Variants in CFAP92 observed in about 807,000 individuals in gnomAD.
CFAP92 encodes cilia and flagella associated protein 92 (putative), also known as uncharacterized protein CFAP92.
CFAP92 carries 86 observed loss-of-function variants against 106.3 expected under a neutral mutation model. The observed-to-expected ratio is 0.81, with a 90% confidence interval of 0.68 to 0.97. The LOEUF (loss-of-function observed/expected upper bound fraction) is 0.97, where lower values mean the gene tolerates loss of function less well. CFAP92 is among the 50% of genes least tolerant of loss of function. CFAP92 has a pLI of 0.00. For missense variants in CFAP92, 1,204 were observed against 1,283.8 expected, an observed-to-expected ratio of 0.94 and a Z score of 0.95; for synonymous variants, 477 against 506.4, an observed-to-expected ratio of 0.94 and a Z score of 0.78.
the CFAP92 span, among the ~76,000 whole-genome samples, chr3:129,023,824 A>C: frequency 6.6e-6 from 1 of 152,362 alleles, no homozygotes. Context: ...TGAGGTGCAC[A>C]GAGGGCTTAG....
At chr3:128,993,406 C>T (rs1257675320) in intron 1 of CFAP92, 70 bp from the exon 2 acceptor site, 5 of 1,461,080 alleles carry the variant, frequency 3.4e-6, no homozygotes, top group Non-Finnish European at 3.7e-6. Flanking sequence ...AGCCCGGCCT[C>T]CTGCAGAAGC....
intron 9 of CFAP92, among the ~76,000 whole-genome samples, chr3:128,953,600 C>T (rs112698031): frequency 0.011 from 996 of 93,532 alleles, 22 homozygotes; most frequent in African/African-American, 0.055. Context: ...CCTCTCCCTC[C>T]CCCTCTCCCT....
At chr3:129,004,436 C>CA (rs567397032), upstream of CFAP92, among the ~76,000 whole-genome samples, 28 of 139,500 alleles carry the variant, frequency 2.0e-4, no homozygotes, top group Non-Finnish European at 3.4e-4. Flanking sequence ...TCCACCTATC[C>CA]ACTCACCTAC....
Position 128,932,680 on chromosome 3 carries a change from TG to T in CFAP92, c.2751+19del. 2 of 1,520,242 alleles carry T rather than the reference TG, an allele frequency of 1.3e-6. No individual in the cohort carries two copies. Among genetic ancestry groups the T allele is most frequent in the Non-Finnish European group, 8.8e-7 (1 of 1,138,756 alleles). 94.2% of individuals were successfully genotyped at this position (1,520,242 alleles called of 1,614,324 possible). A position where few individuals can be genotyped will look rare whatever the true frequency, so the allele number is the denominator to read the frequency against. ...CAGGTGAGGCCTGGGAACCCCAAGT[TG>T]GGGAGGAAGGCGGCCCACCTGGATG... On this transcript the variant is annotated intron_variant, in intron 12 of 15. Coordinates refer to ENST00000645291, the MANE Select transcript of CFAP92 (RefSeq NM_001394090.1).
chr3:129,010,285 C>T, the CFAP92 span, among the ~76,000 whole-genome samples: 3 of 152,208 alleles, frequency 2.0e-5, no homozygotes, highest in Admixed American at 2.0e-4. This position sits in a 1 kb window ranked among gnomAD's most constrained non-coding sequence, Gnocchi z 4.3. Flanking sequence ...GGCCCCCTAC[C>T]CTGCTCTGAA....
intron 1 of CFAP92, among the ~76,000 whole-genome samples, chr3:129,000,918 T>C (rs994160810): frequency 6.6e-6 from 1 of 152,214 alleles, no homozygotes; most frequent in African/African-American, 2.4e-5. Context: ...ACCCCTTGCC[T>C]CTCCAAGCCT....
chr3:128,928,503 C>T (rs1376638907), intron 12 of CFAP92, among the ~76,000 whole-genome samples: 1 of 152,152 alleles, frequency 6.6e-6, no homozygotes, highest in Non-Finnish European at 1.5e-5. Context: ...CTCAGATATA[C>T]ACCCTTACAT....
chr3:128,925,788 A>C (rs376556840), intron 12 of CFAP92, among the ~76,000 whole-genome samples: 17 of 152,306 alleles, frequency 1.1e-4, no homozygotes, highest in African/African-American at 3.9e-4. Context: ...AGAAAATAAA[A>C]ACAAAAAATT....
At chr3:128,915,782 C>G (rs759785646) in intron 13 of CFAP92, 3 of 507,800 alleles carry the variant, frequency 5.9e-6, no homozygotes, top group African/African-American at 1.9e-5. Context: ...TGCTGGAAGC[C>G]TAAACCATGG....
intron 2 of CFAP92, chr3:128,992,004 T>A: frequency 2.8e-6 from 1 of 361,982 alleles, no homozygotes; most frequent in Non-Finnish European, 3.8e-6. Context: ...GGGCTAGGCT[T>A]GCCCTCCTGT....
At chr3:128,982,338 A>G (rs1385737483) in intron 4 of CFAP92, among the ~76,000 whole-genome samples, 1 of 152,176 alleles carries the variant, frequency 6.6e-6, no homozygotes, top group East Asian at 1.9e-4. Flanking sequence ...GCTAGCTTCA[A>G]AGTTGTCTTT....
chr3:128,975,515 GATGA>G (rs1436439596), intron 7 of CFAP92, among the ~76,000 whole-genome samples: 4 of 152,042 alleles, frequency 2.6e-5, no homozygotes, highest in Admixed American at 6.6e-5. Context: ...GATGGGGATG[GATGA>G]ATGAATGGAT....
intron 10 of CFAP92, among the ~76,000 whole-genome samples, chr3:128,943,549 T>C (rs527874419): frequency 2.6e-5 from 4 of 152,190 alleles, no homozygotes; most frequent in African/African-American, 9.6e-5. Flanking sequence ...TTTTTTTTTT[T>C]CTTGAGACGG....
At chr3:128,967,017 T>C (rs1942420999) in intron 8 of CFAP92, 1 of 152,190 alleles carries the variant, frequency 6.6e-6, no homozygotes, top group South Asian at 2.1e-4. Context: ...ATCTGACTCT[T>C]TGTCATGTGA....
In CFAP92 at chr3:128,945,314, A is replaced by G. The variant is rs1940093436; in HGVS notation, c.2015T>C (p.Leu672Pro). The change falls in exon 10 of 16, where the codon CTG (leucine) becomes CCG (proline). Residue 672 changes from leucine to proline, a missense_variant. Physicochemically the swap from Leu to Pro is moderately conservative, Grantham distance 98. Coordinates refer to ENST00000645291, the MANE Select transcript of CFAP92 (RefSeq NM_001394090.1). The part of the protein sequence containing the change: ...IFVFDFKKVS[L>P]LHSLLQDITM... ...GATGTCCTGCAGCAGGCTGTGGAGCAGGGAGACCTTCTTAAAGTCAAAGAC... is the reference window on the plus strand; with the variant it reads ...GATGTCCTGCAGCAGGCTGTGGAGCGGGGAGACCTTCTTAAAGTCAAAGAC... 2 of 1,536,156 alleles carry G rather than the reference A, an allele frequency of 1.3e-6. No individual in the cohort carries two copies. The highest frequency in any genetic ancestry group is 8.7e-7 in the Non-Finnish European group (1 of 1,146,916).
intron 7 of CFAP92, among the ~76,000 whole-genome samples, chr3:128,972,592 A>G (rs1942881406): frequency 2.0e-5 from 3 of 150,478 alleles, no homozygotes; most frequent in African/African-American, 7.4e-5. Context: ...GTGGTAACTC[A>G]CTCCTGTAAA....
the CFAP92 span, among the ~76,000 whole-genome samples, chr3:129,026,352 T>A: frequency 6.6e-6 from 1 of 151,934 alleles, no homozygotes; most frequent in African/African-American, 2.4e-5. Context: ...CTTAAATGAT[T>A]TAGGGAATAG....
At chr3:128,958,106 G>A (rs1435297906) in intron 9 of CFAP92, among the ~76,000 whole-genome samples, 1 of 152,044 alleles carries the variant, frequency 6.6e-6, no homozygotes, top group African/African-American at 2.4e-5. Flanking sequence ...ATACCCTAAT[G>A]ACCTCATTTC....
intron 12 of CFAP92, among the ~76,000 whole-genome samples, chr3:128,927,747 C>A (rs1012850954): frequency 1.3e-5 from 2 of 150,592 alleles, no homozygotes; most frequent in African/African-American, 2.5e-5. Context: ...AAAATTAATT[C>A]TATTTCTATA....
Sources: allele counts gnomAD v4.1 joint callset (sites outside exome capture counted in the v4.1 genomes callset), GRCh38; gene constraint gnomAD v4.1.1; non-coding constraint Gnocchi (gnomAD v3.1); transcripts MANE v1.5; gene names NCBI Gene and HGNC (gene_info 2026-07-23, HGNC 2026-07-21).